MNDA: variants seen among roughly 807,000 people sequenced by gnomAD.
MNDA encodes epididymis secretory sperm binding protein.
Under a neutral mutation model 37.8 loss-of-function variants are expected in MNDA, and 43 were observed. The ratio of observed to expected loss-of-function variants is 1.14; its 90% confidence interval spans 0.89 to 1.47. The LOEUF (loss-of-function observed/expected upper bound fraction) is 1.47. MNDA is among the 40% of genes most tolerant of loss of function. The pLI, the probability that MNDA is intolerant of heterozygous loss-of-function variation, is 0.00. For missense variants in MNDA, 536 were observed against 476.0 expected, an observed-to-expected ratio of 1.13 and a Z score of -1.17; for synonymous variants, 181 against 169.0, an observed-to-expected ratio of 1.07 and a Z score of -0.55.
Position 158,844,128 on chromosome 1 carries a change from C to T in MNDA, c.570+6C>T, listed in dbSNP as rs1037436395. On this transcript the variant is annotated splice_donor_region_variant and intron_variant, in intron 4 of 6. Coordinates refer to ENST00000368141, the MANE Select transcript of MNDA (RefSeq NM_002432.3). ...CCAACACTTCGTTTACTCCGGTACA[C>T]TCTTCCTGGTCCTCTTCTCCATTTT... 5.8e-6 allele frequency: 9 copies of T among 1,554,358 alleles called. No individual in the cohort carries two copies. The highest frequency in any genetic ancestry group is 7.8e-6 in the Non-Finnish European group (9 of 1,149,758).
chr1:158,848,955 A>G (rs1380868786), intron 6 of MNDA, among the ~76,000 whole-genome samples: 1 of 152,196 alleles, frequency 6.6e-6, no homozygotes, highest in Non-Finnish European at 1.5e-5. Context: ...ACAGAAGTTT[A>G]TTTCAAAAAT....
At chr1:158,837,647 T>G (rs1341281988) in intron 1 of MNDA, among the ~76,000 whole-genome samples, 1 of 151,816 alleles carries the variant, frequency 6.6e-6, no homozygotes, top group African/African-American at 2.4e-5. Flanking sequence ...GTTTTTAAAT[T>G]CATTGTGATA....
intron 4 of MNDA, among the ~76,000 whole-genome samples, 172 bp downstream of exon 4, chr1:158,844,294 A>G (rs532177588): frequency 1.5e-4 from 23 of 151,988 alleles, no homozygotes; most frequent in African/African-American, 5.1e-4. Context: ...ACATGCAAGT[A>G]AAGTCCAATT....
intron 2 of MNDA, chr1:158,842,714 G>C (rs1227023998): frequency 8.6e-6 from 2 of 233,898 alleles, no homozygotes; most frequent in African/African-American, 2.3e-5. Context: ...GAAAAAAAAA[G>C]CTACTTTAAA....
rs1165671873 is a variant in MNDA, at chr1:158,845,602, G to A, written c.586G>A (p.Ala196Thr). ...CCCAACACAGAATCAGGAAACCCAG[G>A]CCCAACGGCAGGTGGATGCAAGAAG... ...TSFTPNQETQAQRQVDARRNV... is the reference protein window; with the variant it reads ...TSFTPNQETQTQRQVDARRNV... Residue 196 changes from alanine (A) to threonine (T), a missense_variant, in exon 5 of 7, where the codon GCC (alanine) becomes ACC (threonine). Ala to Thr is a moderately conservative substitution (Grantham distance 58, BLOSUM62 0). Transcript: ENST00000368141. The A allele has an allele frequency of 6.2e-7, 1 of 1,611,610 alleles. No individual in the cohort carries two copies. Among genetic ancestry groups the A allele is most frequent in the Admixed American group, 1.7e-5 (1 of 59,590 alleles).
chr1:158,845,159 GA>G (rs1659106303), intron 4 of MNDA, among the ~76,000 whole-genome samples: 1 of 152,198 alleles, frequency 6.6e-6, no homozygotes, highest in Non-Finnish European at 1.5e-5. Context: ...TTGTTGGGTC[GA>G]AAGCTCTGCA....
At chr1:158,843,788 T>G (rs1659077367) in intron 3 of MNDA, among the ~76,000 whole-genome samples, 167 bp from the exon 4 acceptor site, 1 of 152,188 alleles carries the variant, frequency 6.6e-6, no homozygotes, top group Non-Finnish European at 1.5e-5. Context: ...ATGCCCAATA[T>G]TATCTATTGT....
chr1:158,832,600 TTATAA>T (rs1170984565), intron 1 of MNDA, among the ~76,000 whole-genome samples: 3 of 151,208 alleles, frequency 2.0e-5, no homozygotes, highest in Admixed American at 6.6e-5. Flanking sequence ...CAGATTATAT[TTATAA>T]TATAATTTAA....
chr1:158,845,933 C>T lies in MNDA; in HGVS notation c.917C>T (p.Thr306Ile), dbSNP rs771318900. Residue 306 changes from threonine to isoleucine, a missense_variant, in exon 5 of 7, where the codon ACT becomes ATT. Physicochemically the swap from Thr to Ile is moderately conservative, Grantham distance 89 (BLOSUM62 -1). Coordinates refer to ENST00000368141, the MANE Select transcript of MNDA (RefSeq NM_002432.3). ...AGAATTATCGAAATAGCAAATAAAA[C>T]TCCCAAGATCAGTCAACTTTACAAG... ...PNRIIEIANK[T>I]PKISQLYKQA... 1 of 1,614,096 alleles carries T rather than the reference C, an allele frequency of 6.2e-7. No individual in the cohort carries two copies. Among genetic ancestry groups the T allele is most frequent in the Non-Finnish European group, 8.5e-7 (1 of 1,179,996 alleles).
chr1:158,846,876 G>A (rs143922019), intron 5 of MNDA, among the ~76,000 whole-genome samples: 11 of 152,276 alleles, frequency 7.2e-5, no homozygotes, highest in South Asian at 6.2e-4. Context: ...TGCAATTACA[G>A]AATTGATGAG....
intron 1 of MNDA, among the ~76,000 whole-genome samples, chr1:158,839,103 C>T (rs779523217): frequency 6.6e-6 from 1 of 152,050 alleles, no homozygotes; most frequent in Non-Finnish European, 1.5e-5. Context: ...TGTGGAGATT[C>T]ATTTTTTTCT....
chr1:158,845,366 T>C (rs1000041657), intron 4 of MNDA, among the ~76,000 whole-genome samples: 6 of 152,044 alleles, frequency 3.9e-5, no homozygotes, highest in African/African-American at 1.2e-4. Flanking sequence ...GCCTCCCGAG[T>C]AGCTGGGACT....
rs1659118671 is a variant in MNDA at position 158,845,657 on chromosome 1, T to A, written c.641T>A (p.Val214Glu). The A allele has an allele frequency of 1.9e-6, 3 of 1,613,992 alleles. No individual in the cohort carries two copies. The highest frequency in any genetic ancestry group is 1.7e-4 in the Middle Eastern group (1 of 6,060). ...RNVPQNDPVT[V>E]VVLKATAPFK... ...GTTCCCCAAAACGACCCAGTGACAG[T>A]GGTGGTACTGAAAGCAACAGCGCCA... Residue 214 changes from valine (V) to glutamate (E), a missense_variant, in exon 5 of 7, where the codon GTG becomes GAG. Physicochemically the swap from Val to Glu is moderately radical, Grantham distance 121. Transcript: ENST00000368141.
chr1:158,846,147 A>C, intron 5 of MNDA, 144 bp downstream of exon 5: 1 of 821,620 alleles, frequency 1.2e-6, no homozygotes, highest in Non-Finnish European at 1.9e-6. Flanking sequence ...AAAATAGGAA[A>C]TAGGACTAAG....
At chr1:158,848,607 T>C (rs1659189790) in intron 6 of MNDA, among the ~76,000 whole-genome samples, 1 of 152,180 alleles carries the variant, frequency 6.6e-6, no homozygotes. Context: ...GGAAACTTTA[T>C]TGTTGAAAAT....
Position 158,831,424 on chromosome 1 carries a change from T to C in MNDA, c.-154T>C, listed in dbSNP as rs1010047576. Reference sequence around the variant, plus strand: ...TGCCATTTTTCCTTGTTAGCTTTCATTTCTCAGCCCTTTACAAGATTAAAA... The same window carrying C: ...TGCCATTTTTCCTTGTTAGCTTTCACTTCTCAGCCCTTTACAAGATTAAAA... On this transcript the variant is annotated 5_prime_UTR_variant, in exon 1 of 7. Coordinates refer to ENST00000368141, the MANE Select transcript of MNDA (RefSeq NM_002432.3). The C allele has an allele frequency of 2.0e-5, 3 of 152,222 alleles. No homozygotes were observed. Among genetic ancestry groups the C allele is most frequent in the African/African-American group, 7.2e-5 (3 of 41,462 alleles). 9.4% of individuals were successfully genotyped at this position (152,222 alleles called of 1,614,324 possible).
intron 1 of MNDA, among the ~76,000 whole-genome samples, chr1:158,834,981 G>A (rs933357200): frequency 6.6e-6 from 1 of 152,086 alleles, no homozygotes; most frequent in Non-Finnish European, 1.5e-5. Context: ...CTTTATGTCT[G>A]TCTTTATGCC....
At chr1:158,846,682 A>T (rs1370502619) in intron 5 of MNDA, among the ~76,000 whole-genome samples, 1 of 152,182 alleles carries the variant, frequency 6.6e-6, no homozygotes, top group Admixed American at 6.5e-5. Flanking sequence ...CAAATTCAAG[A>T]TGCTAGTTAG....
At chr1:158,845,100 T>C (rs1325384956) in intron 4 of MNDA, among the ~76,000 whole-genome samples, 1 of 152,192 alleles carries the variant, frequency 6.6e-6, no homozygotes, top group East Asian at 1.9e-4. Context: ...TCCTTTCTGT[T>C]CAGTAATCCC....
Sources: allele counts gnomAD v4.1 joint callset (sites outside exome capture counted in the v4.1 genomes callset), GRCh38; gene constraint gnomAD v4.1.1; transcripts MANE v1.5; gene names NCBI Gene and HGNC (gene_info 2026-07-23, HGNC 2026-07-21).